The following PCDH15 variants were observed in gnomAD, a reference collection of about 807,000 sequenced individuals.
PCDH15 encodes protocadherin-15.
A neutral mutation model predicts 178.5 loss-of-function variants in PCDH15; 129 were observed. That is an observed-to-expected ratio of 0.72 (90% CI 0.63 to 0.84). The LOEUF (loss-of-function observed/expected upper bound fraction) is 0.84, where lower values mean the gene tolerates loss of function less well. Ranked by LOEUF, PCDH15 falls within the 40% of genes least tolerant of loss-of-function variation. The pLI is 0.00. For missense variants in PCDH15, 2,230 were observed against 2,099.9 expected, an observed-to-expected ratio of 1.06 and a Z score of -1.21; for synonymous variants, 800 against 732.0, an observed-to-expected ratio of 1.09 and a Z score of -1.50.
chr10:55,222,500 AT>A (rs1840905906), intron 1 of PCDH15, among the ~76,000 whole-genome samples: 1 of 151,552 alleles, frequency 6.6e-6, no homozygotes, highest in South Asian at 2.1e-4. Context: ...CTGTCTTTTT[AT>A]TTTTATTAAC....
chr10:54,765,713 T>C (rs1205390862), intron 1 of PCDH15, among the ~76,000 whole-genome samples: 1 of 152,096 alleles, frequency 6.6e-6, no homozygotes, highest in Non-Finnish European at 1.5e-5. Context: ...CAGAGAAAGA[T>C]AATCATTTAT....
chr10:55,568,570 A>C (rs542081833), intron 2 of PCDH15, among the ~76,000 whole-genome samples: 3 of 152,186 alleles, frequency 2.0e-5, no homozygotes, highest in African/African-American at 7.2e-5. Context: ...AAATAAAAAA[A>C]CAAATCAAAC....
chr10:54,905,376 G>A (rs1320650089), intron 2 of PCDH15, among the ~76,000 whole-genome samples: 3 of 152,004 alleles, frequency 2.0e-5, no homozygotes, highest in South Asian at 2.1e-4. Flanking sequence ...ATAAAATCCT[G>A]GCATAGCCAA....
At chr10:54,247,802 T>C (rs1376010354) in intron 8 of PCDH15, among the ~76,000 whole-genome samples, 1 of 151,210 alleles carries the variant, frequency 6.6e-6, no homozygotes, top group African/African-American at 2.4e-5. Context: ...CAAGGTGAGA[T>C]TAATAATATC....
At chr10:55,401,635 TG>T (rs1838073702) in intron 2 of PCDH15, among the ~76,000 whole-genome samples, 5 of 150,406 alleles carry the variant, frequency 3.3e-5, no homozygotes, top group Admixed American at 6.7e-5. Context: ...TGTGTGTGTG[TG>T]TAGTGAGTAG....
intron 2 of PCDH15, among the ~76,000 whole-genome samples, chr10:55,598,268 AC>A (rs1220576469): frequency 6.6e-6 from 1 of 151,768 alleles, no homozygotes; most frequent in African/African-American, 2.4e-5. Flanking sequence ...TACGAAAGGG[AC>A]TTTAATGTCC....
intron 2 of PCDH15, among the ~76,000 whole-genome samples, chr10:55,369,769 A>T (rs922454989): frequency 6.6e-6 from 1 of 152,030 alleles, no homozygotes; most frequent in Non-Finnish European, 1.5e-5. Context: ...CATGCCTCAT[A>T]ACCCAGAATA....
intron 2 of PCDH15, among the ~76,000 whole-genome samples, chr10:54,970,984 AT>A (rs1383448913): frequency 6.6e-6 from 1 of 152,176 alleles, no homozygotes; most frequent in African/African-American, 2.4e-5. Flanking sequence ...AGAAGAGCAA[AT>A]TCCTCAGAAT....
chr10:54,407,326 CG>C (rs1041120307), intron 3 of PCDH15, among the ~76,000 whole-genome samples: 5 of 151,904 alleles, frequency 3.3e-5, no homozygotes, highest in African/African-American at 9.7e-5. Context: ...GTATAGTTAA[CG>C]TTGGTATATT....
chr10:55,222,746 T>C (rs778504772), intron 1 of PCDH15, among the ~76,000 whole-genome samples: 93,466 of 127,584 alleles, frequency 0.73, 34,312 homozygotes, highest in Admixed American at 0.79. Context: ...TATATATATA[T>C]ATATATATAT....
At chr10:54,907,987 G>A (rs1451093755) in intron 2 of PCDH15, among the ~76,000 whole-genome samples, 1 of 152,142 alleles carries the variant, frequency 6.6e-6, no homozygotes, top group Non-Finnish European at 1.5e-5. Context: ...TCTGCTGGGA[G>A]AAACCCAATC....
chr10:54,753,906 T>C (rs1256830475), intron 1 of PCDH15, among the ~76,000 whole-genome samples: 1 of 146,298 alleles, frequency 6.8e-6, no homozygotes, highest in African/African-American at 2.6e-5. Flanking sequence ...TTTTTTTTTT[T>C]TTTTTGAGAC....
At chr10:54,672,125 T>A (rs150274481) in intron 1 of PCDH15, among the ~76,000 whole-genome samples, 36 of 152,206 alleles carry the variant, frequency 2.4e-4, no homozygotes, top group African/African-American at 8.4e-4. Context: ...TCTCTCATTA[T>A]TCCCAGATGG....
intron 1 of PCDH15, among the ~76,000 whole-genome samples, chr10:55,293,972 A>T (rs1054632607): frequency 2.0e-5 from 3 of 152,240 alleles, no homozygotes; most frequent in Middle Eastern, 3.4e-3. Context: ...GTATTATTTC[A>T]TTTCCATACT....
At chr10:54,479,400 A>G (rs994151057) in intron 3 of PCDH15, among the ~76,000 whole-genome samples, 16 of 152,020 alleles carry the variant, frequency 1.1e-4, no homozygotes, top group Admixed American at 4.6e-4. Flanking sequence ...CATATTGAAT[A>G]CGTAATTTAA....
intron 8 of PCDH15, among the ~76,000 whole-genome samples, chr10:54,237,351 C>T (rs553133871): frequency 2.6e-5 from 4 of 151,854 alleles, no homozygotes; most frequent in Non-Finnish European, 5.9e-5. Flanking sequence ...GTTTCATACA[C>T]ATCAATTATA....
intron 2 of PCDH15, among the ~76,000 whole-genome samples, chr10:55,130,629 G>T (rs1420707110): frequency 1.3e-5 from 2 of 150,660 alleles, no homozygotes; most frequent in South Asian, 4.2e-4. Context: ...CAAACCCTTT[G>T]TTTGTTACTT....
chr10:55,251,210 T>A (rs1004429849), intron 1 of PCDH15, among the ~76,000 whole-genome samples: 2 of 152,168 alleles, frequency 1.3e-5, no homozygotes, highest in African/African-American at 4.8e-5. Flanking sequence ...CTTGTGTTTG[T>A]GTATATTTAG....
intron 3 of PCDH15, among the ~76,000 whole-genome samples, chr10:54,839,542 G>T (rs1953379821): frequency 6.6e-6 from 1 of 152,016 alleles, no homozygotes; most frequent in African/African-American, 2.4e-5. Context: ...CACAAAGTAT[G>T]CATTATGAAA....
Sources: allele counts gnomAD v4.1 joint callset (sites outside exome capture counted in the v4.1 genomes callset), GRCh38; gene constraint gnomAD v4.1.1; transcripts MANE v1.5; gene names NCBI Gene and HGNC (gene_info 2026-07-23, HGNC 2026-07-21).